SLC4A8: variants seen among roughly 807,000 people sequenced by gnomAD.
SLC4A8 encodes the protein electroneutral sodium bicarbonate exchanger 1.
In SLC4A8, 40 loss-of-function variants were observed where a neutral mutation model predicts 125.0. That is an observed-to-expected ratio of 0.32 (90% CI 0.25 to 0.42). SLC4A8 has a LOEUF of 0.42. SLC4A8 is among the 10% of genes least tolerant of loss of function. SLC4A8 has a pLI of 1.00. For missense variants in SLC4A8, 863 were observed against 1,355.1 expected, an observed-to-expected ratio of 0.64 and a Z score of 5.70; for synonymous variants, 456 against 476.0, an observed-to-expected ratio of 0.96 and a Z score of 0.55.
At chr12:51,439,060 T>C (rs1216138541) in intron 1 of SLC4A8, among the ~76,000 whole-genome samples, 1 of 152,038 alleles carries the variant, frequency 6.6e-6, no homozygotes, top group Non-Finnish European at 1.5e-5. Flanking sequence ...AGAGGAGACT[T>C]TTTTTATTTT....
At chr12:51,421,490 A>C (rs919996626), upstream of SLC4A8, among the ~76,000 whole-genome samples, 1 of 152,222 alleles carries the variant, frequency 6.6e-6, no homozygotes, top group African/African-American at 2.4e-5. Context: ...CAAGGGCCAG[A>C]GGCTCTGACT....
At chr12:51,418,660 G>A (rs556175072) in intron 1 of SLC4A8, among the ~76,000 whole-genome samples, 1 of 152,270 alleles carries the variant, frequency 6.6e-6, no homozygotes, top group Non-Finnish European at 1.5e-5. Context: ...TTGGTAAAAT[G>A]TTAGAGATAG....
chr12:51,422,521 A>AT (rs1227566990), upstream of SLC4A8, among the ~76,000 whole-genome samples: 1 of 151,998 alleles, frequency 6.6e-6, no homozygotes, highest in Non-Finnish European at 1.5e-5. Flanking sequence ...TGCCTGGCTA[A>AT]TTTTTTTGTA....
rs567699635 is a variant in SLC4A8, at chr12:51,492,854, C to G, written c.2701-850C>G. On this transcript the variant is annotated intron_variant, in intron 19 of 24. Transcript: ENST00000453097. ...CTCCCTCCCCTTGCCCCCCACCCCC[C>G]AACAGGCCCTGGTGTGTGATGTTCC... 1.9e-3 allele frequency among the ~76,000 whole-genome samples: 284 copies of G among 151,990 alleles called. 2 individuals are homozygous for G. The highest frequency in any genetic ancestry group is 3.3e-3 in the Non-Finnish European group (223 of 67,956).
chr12:51,444,618 A>G (rs867142152), intron 2 of SLC4A8, among the ~76,000 whole-genome samples: 1 of 152,182 alleles, frequency 6.6e-6, no homozygotes. Context: ...ACATTTACTA[A>G]GCCCCTTCTG....
intron 1 of SLC4A8, among the ~76,000 whole-genome samples, chr12:51,414,534 T>C (rs996298099): frequency 6.6e-6 from 1 of 152,158 alleles, no homozygotes; most frequent in African/African-American, 2.4e-5. Flanking sequence ...GAGGATCACT[T>C]GAGCCCAGGA....
chr12:51,462,199 C>T (rs543814501), intron 9 of SLC4A8, 111 bp from the exon 10 acceptor site: 12 of 1,002,174 alleles, frequency 1.2e-5, no homozygotes, highest in Admixed American at 7.1e-5. Context: ...CTCAGATCCC[C>T]GTGACAGAGA....
intron 16 of SLC4A8, among the ~76,000 whole-genome samples, chr12:51,476,486 TAAA>T (rs1193640521): frequency 4.1e-5 from 6 of 148,120 alleles, no homozygotes; most frequent in Non-Finnish European, 6.0e-5. Context: ...GTCTCAAAAA[TAAA>T]AAAGTTAAAA....
At chr12:51,446,313 C>T (rs1592197009) in intron 2 of SLC4A8, among the ~76,000 whole-genome samples, 1 of 152,208 alleles carries the variant, frequency 6.6e-6, no homozygotes, top group South Asian at 2.1e-4. Context: ...ACATTTTATC[C>T]TCCTGCCTCT....
intron 1 of SLC4A8, among the ~76,000 whole-genome samples, chr12:51,439,304 C>A (rs1407288360): frequency 6.6e-6 from 1 of 152,136 alleles, no homozygotes; most frequent in African/African-American, 2.4e-5. Flanking sequence ...TGATCACCTG[C>A]CTTGGCCTCC....
upstream of SLC4A8, chr12:51,424,727 C>A (rs1241953236): frequency 8.7e-6 from 4 of 460,320 alleles, no homozygotes; most frequent in African/African-American, 6.2e-5. Flanking sequence ...CGGCTCCTCC[C>A]CCTCCCCGCG....
At chr12:51,436,018 A>C (rs1021549898) in intron 1 of SLC4A8, among the ~76,000 whole-genome samples, 1 of 152,204 alleles carries the variant, frequency 6.6e-6, no homozygotes, top group African/African-American at 2.4e-5. Flanking sequence ...AGAAAATATA[A>C]ATTTGTAAAT....
At chr12:51,448,988 G>A (rs1035822843) in intron 2 of SLC4A8, among the ~76,000 whole-genome samples, 10 of 152,166 alleles carry the variant, frequency 6.6e-5, no homozygotes, top group Admixed American at 6.5e-5. Flanking sequence ...GGCAGGGATG[G>A]ATGGAAAGGA....
intron 17 of SLC4A8, among the ~76,000 whole-genome samples, chr12:51,487,323 A>G (rs1951187296): frequency 6.6e-6 from 1 of 152,198 alleles, no homozygotes; most frequent in Admixed American, 6.5e-5. Context: ...TTAAGGGTTT[A>G]TTTAATAAGT....
chr12:51,462,892 CAA>C (rs34546728), intron 10 of SLC4A8: 18 of 103,838 alleles, frequency 1.7e-4, no homozygotes, highest in Admixed American at 3.3e-4. Flanking sequence ...GACTCCACCT[CAA>C]AAAAAAAAAA....
intron 16 of SLC4A8, among the ~76,000 whole-genome samples, chr12:51,477,436 A>C (rs1246469205): frequency 6.6e-6 from 1 of 152,166 alleles, no homozygotes; most frequent in African/African-American, 2.4e-5. Context: ...AAGGCATAAA[A>C]AGGGCTGAGT....
At chr12:51,438,272 C>G (rs1565775711) in intron 1 of SLC4A8, among the ~76,000 whole-genome samples, 1 of 152,094 alleles carries the variant, frequency 6.6e-6, no homozygotes, top group African/African-American at 2.4e-5. Flanking sequence ...AAATCTCTCC[C>G]TACACTTCTC....
intron 2 of SLC4A8, 189 bp from the exon 3 acceptor site, chr12:51,450,687 G>C (rs1182246012): frequency 3.3e-6 from 2 of 611,600 alleles, no homozygotes; most frequent in Non-Finnish European, 5.8e-6. Flanking sequence ...GCAGGACAAA[G>C]GAAGAGACCT....
intron 24 of SLC4A8, 95 bp downstream of exon 24, chr12:51,506,025 T>C: frequency 1.5e-6 from 1 of 658,928 alleles, no homozygotes; most frequent in South Asian, 1.8e-5. Flanking sequence ...AAAATGGAAT[T>C]TGTGTAATAA....
Sources: allele counts gnomAD v4.1 joint callset (sites outside exome capture counted in the v4.1 genomes callset), GRCh38; gene constraint gnomAD v4.1.1; transcripts MANE v1.5; gene names NCBI Gene and HGNC (gene_info 2026-07-23, HGNC 2026-07-21).